PDE11A: variants seen among roughly 807,000 people sequenced by gnomAD.
The protein encoded by PDE11A is phosphodiesterase 11A.
A neutral mutation model predicts 100.5 loss-of-function variants in PDE11A; 100 were observed. That is an observed-to-expected ratio of 1.00 (90% confidence interval 0.85 to 1.18). The LOEUF (loss-of-function observed/expected upper bound fraction) is 1.18, where lower values mean the gene tolerates loss of function less well. Ranked by LOEUF, PDE11A falls within the 50% of genes most tolerant of loss-of-function variation. PDE11A has a pLI of 0.00. For synonymous variants in PDE11A, 381 were observed against 420.8 expected (o/e 0.91, Z 1.16); for missense variants, 1,141 against 1,152.6 (o/e 0.99, Z 0.15).
intron 1 of PDE11A, among the ~76,000 whole-genome samples, chr2:178,107,931 A>T (rs1020582520): frequency 3.9e-5 from 6 of 152,132 alleles, no homozygotes; most frequent in Non-Finnish European, 7.4e-5. Flanking sequence ...CATGTTGGTC[A>T]GGCTGGTCTT....
At chr2:177,888,466 C>A (rs1411790839) in intron 4 of PDE11A, among the ~76,000 whole-genome samples, 1 of 151,950 alleles carries the variant, frequency 6.6e-6, no homozygotes, top group Admixed American at 6.6e-5. Context: ...ATAAAAAAGA[C>A]CATGCATACC....
intron 2 of PDE11A, among the ~76,000 whole-genome samples, chr2:177,996,389 A>G (rs1348062056): frequency 1.3e-5 from 2 of 151,774 alleles, no homozygotes; most frequent in Admixed American, 1.3e-4. Flanking sequence ...AAGGATAATC[A>G]CTGTGTCAGA....
rs2079821429 is a variant in PDE11A at position 177,625,659 on chromosome 2, T to C, written c.*3748A>G. Reference sequence around the variant, plus strand: ...TCAGTTTGAGTTTTTACAAGAAGGCTCATATTTCAAATGTCTTTCTCCAAT... The same window carrying C: ...TCAGTTTGAGTTTTTACAAGAAGGCCCATATTTCAAATGTCTTTCTCCAAT... On this transcript the variant is annotated 3_prime_UTR_variant, in exon 20 of 20. Coordinates refer to ENST00000286063, the MANE Select transcript of PDE11A (RefSeq NM_016953.4). 6.6e-6 allele frequency: 1 copy of C among 152,230 alleles called. No homozygotes were observed. Among genetic ancestry groups the C allele is most frequent in the South Asian group, 2.1e-4 (1 of 4,834 alleles). The allele number at this position is 152,230 out of a possible 1,614,324, so 9.4% of individuals were successfully genotyped here. A position where few individuals can be genotyped will look rare whatever the true frequency, so the allele number is the denominator to read the frequency against.
intron 2 of PDE11A, among the ~76,000 whole-genome samples, chr2:177,956,830 T>C (rs1480421770): frequency 3.3e-5 from 5 of 152,010 alleles, no homozygotes; most frequent in Non-Finnish European, 7.4e-5. Context: ...AAACACCGCA[T>C]GTTCTCGCTC....
intron 2 of PDE11A, among the ~76,000 whole-genome samples, chr2:178,004,100 T>C (rs1331977930): frequency 2.6e-5 from 4 of 152,176 alleles, no homozygotes; most frequent in Admixed American, 1.3e-4. Flanking sequence ...TTAAAACATA[T>C]ATTTATTTGT....
intron 10 of PDE11A, among the ~76,000 whole-genome samples, chr2:177,731,585 A>T (rs1433776997): frequency 6.6e-6 from 1 of 151,914 alleles, no homozygotes; most frequent in Non-Finnish European, 1.5e-5. Flanking sequence ...TAACCCAAAG[A>T]CCCAAGATTA....
chr2:178,054,732 A>C (rs888413250), intron 1 of PDE11A, among the ~76,000 whole-genome samples: 23 of 152,322 alleles, frequency 1.5e-4, no homozygotes, highest in African/African-American at 5.1e-4. Context: ...ATGCAGCCAA[A>C]AGACACATGA....
At chr2:177,692,433 A>C (rs562195606) in intron 15 of PDE11A, among the ~76,000 whole-genome samples, 1 of 152,306 alleles carries the variant, frequency 6.6e-6, no homozygotes, top group African/African-American at 2.4e-5. Context: ...TCTTTCATAA[A>C]ATTAATCTCT....
At chr2:177,946,984 G>A (rs2085446458) in intron 2 of PDE11A, among the ~76,000 whole-genome samples, 3 of 112,114 alleles carry the variant, frequency 2.7e-5, no homozygotes, top group Admixed American at 2.4e-4. Flanking sequence ...CCCCCCGCCC[G>A]GCCAGCCGCC....
In PDE11A at chr2:178,021,584, A is replaced by G. The variant is rs1028034682; in HGVS notation, c.913-7124T>C. Among the ~76,000 whole-genome samples, 7 of 152,342 alleles carry G rather than the reference A, an allele frequency of 4.6e-5. No homozygotes were observed. The South Asian group carries it at 8.3e-4, about 18-fold the overall frequency. ...TTACTCTGATATTATAGAAGGAACA[A>G]AAGTTTAATAATAGATGAAATTAAA... is the stretch of plus-strand genomic sequence containing the variant. On this transcript the variant is annotated intron_variant, in intron 1 of 19. Coordinates refer to ENST00000286063, the MANE Select transcript of PDE11A (RefSeq NM_016953.4).
intron 19 of PDE11A, among the ~76,000 whole-genome samples, chr2:177,654,049 T>A (rs1167665154): frequency 6.6e-6 from 1 of 152,156 alleles, no homozygotes; most frequent in Non-Finnish European, 1.5e-5. Flanking sequence ...TATCTTTCTT[T>A]GAAAAAAAGA....
chr2:177,709,170 A>T (rs1023860608), intron 13 of PDE11A, among the ~76,000 whole-genome samples: 4 of 152,196 alleles, frequency 2.6e-5, no homozygotes, highest in African/African-American at 9.6e-5. Context: ...AAAGGGCCCG[A>T]AGGGGCTAAG....
At chr2:177,959,579 T>G (rs924662040) in intron 2 of PDE11A, among the ~76,000 whole-genome samples, 1 of 152,158 alleles carries the variant, frequency 6.6e-6, no homozygotes, top group Non-Finnish European at 1.5e-5. Flanking sequence ...GTGATATATT[T>G]TAAGCTAACA....
chr2:177,972,546 T>C (rs2085785058), intron 2 of PDE11A, among the ~76,000 whole-genome samples: 1 of 151,816 alleles, frequency 6.6e-6, no homozygotes, highest in Non-Finnish European at 1.5e-5. Flanking sequence ...GAGAGAGAGA[T>C]GTGGAAAGAA....
At chr2:177,700,341 A>AATG (rs1315788321) in intron 14 of PDE11A, among the ~76,000 whole-genome samples, 1 of 151,776 alleles carries the variant, frequency 6.6e-6, no homozygotes, top group African/African-American at 2.4e-5. Context: ...TAATAATAAT[A>AATG]ATTAATGGCA....
rs1470018062 is a variant in PDE11A, at chr2:177,853,700, G to T, written c.1368-13317C>A. 3.3e-3 allele frequency among the ~76,000 whole-genome samples: 119 copies of T among 36,050 alleles called. 7 individuals are homozygous for T. The highest frequency in any genetic ancestry group is 6.9e-3 in the African/African-American group (89 of 12,984). 23.7% of individuals were successfully genotyped at this position (36,050 alleles called of 152,430 possible). A position where few individuals can be genotyped will look rare whatever the true frequency, so the allele number is the denominator to read the frequency against. On this transcript the variant is annotated intron_variant, in intron 5 of 19. Coordinates refer to ENST00000286063, the MANE Select transcript of PDE11A (RefSeq NM_016953.4). ...TATATATGTGTGTGTGTGTGTGTGT[G>T]TGTGTGTGTGTGTTTGTGTGTGTGT... is the stretch of plus-strand genomic sequence containing the variant.
intron 2 of PDE11A, among the ~76,000 whole-genome samples, chr2:177,906,212 T>C (rs1029778993): frequency 6.6e-6 from 1 of 151,684 alleles, no homozygotes; most frequent in Admixed American, 6.6e-5. Flanking sequence ...CACACAATGG[T>C]GCCCTAGGAA....
chr2:177,905,581 G>GAA (rs2084773621), intron 2 of PDE11A, among the ~76,000 whole-genome samples: 1 of 152,200 alleles, frequency 6.6e-6, no homozygotes, highest in Admixed American at 6.5e-5. Flanking sequence ...GAGGTAGGCA[G>GAA]GATATAAGTC....
At chr2:177,630,628 C>G (rs954773140) in intron 19 of PDE11A, among the ~76,000 whole-genome samples, 29 of 152,192 alleles carry the variant, frequency 1.9e-4, no homozygotes, top group African/African-American at 4.6e-4. Context: ...CCACTATTCT[C>G]TACTTTACTG....
Sources: gnomAD v4.1 joint callset for allele counts (sites outside exome capture counted in the v4.1 genomes callset) on GRCh38, gnomAD v4.1.1 for gene constraint, MANE v1.5 for transcripts, NCBI Gene and HGNC (gene_info 2026-07-23, HGNC 2026-07-21) for gene names.